The following SLC17A1 variants were observed in gnomAD, a reference collection of about 807,000 sequenced individuals.
The protein encoded by SLC17A1 is solute carrier family 17 member 1.
In SLC17A1, 51 loss-of-function variants were observed where a neutral mutation model predicts 53.5. That is an observed-to-expected ratio of 0.95 (90% CI 0.76 to 1.20). SLC17A1 has a LOEUF of 1.20. Ranked by LOEUF, SLC17A1 falls within the 50% of genes most tolerant of loss-of-function variation. The pLI, the probability that SLC17A1 is intolerant of heterozygous loss-of-function variation, is 0.00. For missense variants in SLC17A1, 538 were observed against 568.2 expected (o/e 0.95, Z 0.54); for synonymous variants, 179 against 198.8 (o/e 0.90, Z 0.84).
chr6:25,829,173 C>T (rs2151510505), intron 2 of SLC17A1, among the ~76,000 whole-genome samples: 1 of 152,062 alleles, frequency 6.6e-6, no homozygotes, highest in South Asian at 2.1e-4. Context: ...GGATTTTTGG[C>T]CTTCCATGAT....
At chr6:25,813,280 A>G in intron 6 of SLC17A1, 67 bp from the exon 7 acceptor site, 7 of 1,268,402 alleles carry the variant, frequency 5.5e-6, no homozygotes, top group Non-Finnish European at 8.1e-6. Flanking sequence ...CCAGAATGGC[A>G]TTTTTCAATG....
intron 10 of SLC17A1, 56 bp from the exon 11 acceptor site, chr6:25,801,036 G>A: frequency 1.1e-6 from 1 of 928,526 alleles, no homozygotes; most frequent in Non-Finnish European, 1.8e-6. Flanking sequence ...TGCAGGAAAT[G>A]CAAACCTAAT....
chr6:25,755,084 G>A, the SLC17A1 span, among the ~76,000 whole-genome samples: 1 of 137,940 alleles, frequency 7.2e-6, no homozygotes, highest in East Asian at 2.5e-4. Context: ...CACACACACA[G>A]AGGAAGAAAG....
chr6:25,775,050 T>C, the SLC17A1 span, among the ~76,000 whole-genome samples: 148 of 152,204 alleles, frequency 9.7e-4, 1 homozygote, highest in African/African-American at 3.2e-3. Context: ...ATAGAGTGGG[T>C]CAGGTGTGGT....
the SLC17A1 span, among the ~76,000 whole-genome samples, chr6:25,738,682 C>T: frequency 6.6e-6 from 1 of 152,140 alleles, no homozygotes; most frequent in South Asian, 2.1e-4. Flanking sequence ...TCTCAAATCT[C>T]AACAATAAAA....
chr6:25,727,042 A>AT, the SLC17A1 span: 1 of 1,614,242 alleles, frequency 6.2e-7, no homozygotes, highest in South Asian at 1.1e-5. Flanking sequence ...TACATCTACA[A>AT]AGTGCTAAAG....
chr6:25,760,539 C>T, the SLC17A1 span, among the ~76,000 whole-genome samples: 4 of 152,046 alleles, frequency 2.6e-5, no homozygotes, highest in Non-Finnish European at 5.9e-5. Context: ...AATTCCTATC[C>T]GTTATTTCCT....
At chr6:25,762,792 A>G in the SLC17A1 span, among the ~76,000 whole-genome samples, 1 of 152,214 alleles carries the variant, frequency 6.6e-6, no homozygotes, top group Non-Finnish European at 1.5e-5. Flanking sequence ...ACCTACAACT[A>G]GTCACCATTT....
At chr6:25,779,196 G>A (rs542658022), downstream of SLC17A1, 138 of 1,613,142 alleles carry the variant, frequency 8.6e-5, no homozygotes, top group East Asian at 1.1e-3. Flanking sequence ...TGAGCAAACC[G>A]AGAGATGTGC....
At chr6:25,797,395 A>G (rs1303009623) in intron 12 of SLC17A1, among the ~76,000 whole-genome samples, 2 of 152,192 alleles carry the variant, frequency 1.3e-5, no homozygotes, top group African/African-American at 2.4e-5. Flanking sequence ...GAAAAATAGA[A>G]TATTGCCAGG....
intron 12 of SLC17A1, among the ~76,000 whole-genome samples, chr6:25,796,060 T>C (rs1392751630): frequency 6.6e-6 from 1 of 152,174 alleles, no homozygotes; most frequent in African/African-American, 2.4e-5. Context: ...AGTAAAGTGA[T>C]TGTTCTCATA....
At chr6:25,771,278 A>G in the SLC17A1 span, among the ~76,000 whole-genome samples, 1 of 152,210 alleles carries the variant, frequency 6.6e-6, no homozygotes, top group Non-Finnish European at 1.5e-5. Context: ...TAAAATGTTG[A>G]AAATACTATC....
At chr6:25,801,358 G>A (rs1763754040) in intron 10 of SLC17A1, among the ~76,000 whole-genome samples, 1 of 152,176 alleles carries the variant, frequency 6.6e-6, no homozygotes, top group Non-Finnish European at 1.5e-5. Flanking sequence ...TACTCCCATA[G>A]GTCCAGAGCT....
At position 25,798,864 on chromosome 6, in the gene SLC17A1, G is replaced by A. The variant is rs752168179; in HGVS notation, c.1325C>T (p.Thr442Ile). Residue 442 changes from threonine (T) to isoleucine (I), a missense_variant, in exon 12 of 13, where the codon ACT (threonine) becomes ATT (isoleucine). Transcript: ENST00000244527. ...TFILMAAINV[T>I]GLIFYLIVAT... ...AACTATAAGGTAGAAAATTAGGCCA[G>A]TCACATTAATGGCTGCCATCAGGAT... The A allele has an allele frequency of 6.2e-7, 1 of 1,609,736 alleles. No homozygotes were observed. Among genetic ancestry groups the A allele is most frequent in the East Asian group, 2.2e-5 (1 of 44,840 alleles).
the SLC17A1 span, among the ~76,000 whole-genome samples, chr6:25,766,213 A>G: frequency 1.3e-5 from 2 of 151,404 alleles, no homozygotes; most frequent in African/African-American, 4.8e-5. Context: ...ATGAATAAAG[A>G]AAAAATTATA....
the SLC17A1 span, among the ~76,000 whole-genome samples, chr6:25,752,446 T>A: frequency 1.3e-5 from 2 of 152,208 alleles, no homozygotes; most frequent in Admixed American, 6.5e-5. Flanking sequence ...AGTGAGTGAA[T>A]GTGAAGGCCC....
chr6:25,746,520 C>T, the SLC17A1 span, among the ~76,000 whole-genome samples: 1 of 151,998 alleles, frequency 6.6e-6, no homozygotes, highest in African/African-American at 2.4e-5. Context: ...ATGAATACAT[C>T]CCAAAAGAAG....
At chr6:25,800,563 T>A (rs1429419697) in intron 11 of SLC17A1, among the ~76,000 whole-genome samples, 1 of 152,126 alleles carries the variant, frequency 6.6e-6, no homozygotes. Flanking sequence ...GAAAACTGTA[T>A]CTTGTTACTT....
In SLC17A1 at chr6:25,809,542, A is replaced by T. The variant is rs186491674; in HGVS notation, c.1178+1856T>A. Among the ~76,000 whole-genome samples the T allele has an allele frequency of 5.2e-4, 79 of 152,226 alleles. 1 individual carries two copies. The highest frequency in any genetic ancestry group is 3.4e-3 in the Admixed American group (52 of 15,288). On this transcript the variant is annotated intron_variant, in intron 10 of 12. Transcript: ENST00000244527. ...CCATATATAATAGTTACAAGAAAAA[A>T]ATTCTTAAAATAAATTTAACTGAAT...
Sources: allele counts gnomAD v4.1 joint callset (sites outside exome capture counted in the v4.1 genomes callset), GRCh38; gene constraint gnomAD v4.1.1; transcripts MANE v1.5; gene names NCBI Gene and HGNC (gene_info 2026-07-23, HGNC 2026-07-21).